PCSK2: variants seen among roughly 807,000 people sequenced by gnomAD.
The protein encoded by PCSK2 is proprotein convertase subtilisin/kexin type 2, also known as neuroendocrine convertase 2.
PCSK2 carries 14 observed loss-of-function variants against 69.7 expected under a neutral mutation model. The ratio of observed to expected loss-of-function variants is 0.20; its 90% confidence interval spans 0.13 to 0.31. The LOEUF (loss-of-function observed/expected upper bound fraction) is 0.31. PCSK2 is among the 10% of genes least tolerant of loss of function. The pLI is 1.00. For synonymous variants in PCSK2, 307 were observed against 320.7 expected, an observed-to-expected ratio of 0.96 and a Z score of 0.46; for missense variants, 544 against 842.5, an observed-to-expected ratio of 0.65 and a Z score of 4.39.
At chr20:17,363,867 A>G (rs1464547517) in intron 4 of PCSK2, among the ~76,000 whole-genome samples, 1 of 152,242 alleles carries the variant, frequency 6.6e-6, no homozygotes, top group Non-Finnish European at 1.5e-5. Flanking sequence ...TCGCCATTTT[A>G]CAGATGAAGA....
At chr20:17,436,628 G>A in intron 7 of PCSK2, 80 bp from the exon 8 acceptor site, 2 of 1,258,588 alleles carry the variant, frequency 1.6e-6, no homozygotes, top group African/African-American at 3.0e-5. Context: ...AGTACCCAGG[G>A]CCCAAGCCCT....
At chr20:17,233,616 CA>C (rs1005888133) in intron 1 of PCSK2, among the ~76,000 whole-genome samples, 13 of 152,246 alleles carry the variant, frequency 8.5e-5, no homozygotes, top group Middle Eastern at 3.4e-3. Context: ...GAGGAGAATG[CA>C]GTACAGTTAC....
In PCSK2 at chr20:17,389,723, C is replaced by T. The variant is rs546091756; in HGVS notation, c.544-19540C>T. On this transcript the variant is annotated intron_variant, in intron 5 of 11. Coordinates refer to ENST00000262545, the MANE Select transcript of PCSK2 (RefSeq NM_002594.5). ...AGGGTTTACAGCTGCTGAAAGGTCC[C>T]TGTAGCATTTCCTTTATGGAAAATC... Among the ~76,000 whole-genome samples, 276 of 152,262 alleles carry T rather than the reference C, an allele frequency of 1.8e-3. 1 individual carries two copies. The highest frequency in any genetic ancestry group is 6.3e-3 in the African/African-American group (262 of 41,564).
intron 6 of PCSK2, among the ~76,000 whole-genome samples, chr20:17,416,153 A>G (rs1170637704): frequency 6.6e-6 from 1 of 152,258 alleles, no homozygotes; most frequent in East Asian, 1.9e-4. Flanking sequence ...AGCAATGGCA[A>G]CAAAAGCCAA....
intron 6 of PCSK2, among the ~76,000 whole-genome samples, chr20:17,427,651 T>C (rs1475735816): frequency 6.6e-6 from 1 of 152,196 alleles, no homozygotes; most frequent in Non-Finnish European, 1.5e-5. Flanking sequence ...CCCAAGTCTA[T>C]AGTTTGGCTG....
intron 6 of PCSK2, among the ~76,000 whole-genome samples, chr20:17,418,970 G>A (rs974954229): frequency 5.9e-5 from 9 of 152,188 alleles, no homozygotes; most frequent in South Asian, 2.1e-4. Context: ...AAAAGGCAGC[G>A]GCTGTCCAGC....
chr20:17,432,347 T>A (rs1041011843), intron 7 of PCSK2, among the ~76,000 whole-genome samples: 1 of 152,196 alleles, frequency 6.6e-6, no homozygotes, highest in South Asian at 2.1e-4. Flanking sequence ...CATTTCAAAC[T>A]CCGTGACATG....
At chr20:17,446,319 G>C (rs894922363) in intron 8 of PCSK2, among the ~76,000 whole-genome samples, 4 of 152,132 alleles carry the variant, frequency 2.6e-5, no homozygotes, top group African/African-American at 4.8e-5. Context: ...ATCATCCTTA[G>C]CTTGGCTTTT....
In PCSK2 at chr20:17,239,330, G is replaced by A. The variant is rs1986465491; in HGVS notation, c.177+11848G>A. Among the ~76,000 whole-genome samples, 2 of 152,202 alleles carry A rather than the reference G, an allele frequency of 1.3e-5. 1 individual carries two copies. Among genetic ancestry groups the A allele is most frequent in the South Asian group, 4.1e-4 (2 of 4,828 alleles). On this transcript the variant is annotated intron_variant, in intron 1 of 11. Coordinates refer to ENST00000262545, the MANE Select transcript of PCSK2 (RefSeq NM_002594.5). ...ATTCTAGTCAGTTCCAGCTGACTATGTTTCTAGGAACTGTCAGCCAAGAAT... is the reference window on the plus strand; with the variant it reads ...ATTCTAGTCAGTTCCAGCTGACTATATTTCTAGGAACTGTCAGCCAAGAAT...
chr20:17,468,958 T>C (rs560012438), intron 11 of PCSK2, among the ~76,000 whole-genome samples: 1 of 152,344 alleles, frequency 6.6e-6, no homozygotes, highest in South Asian at 2.1e-4. Context: ...AAACAGTCCA[T>C]GATTTAAGAA....
intron 2 of PCSK2, among the ~76,000 whole-genome samples, chr20:17,315,426 G>T (rs764221323): frequency 3.3e-5 from 5 of 152,228 alleles, no homozygotes; most frequent in Non-Finnish European, 7.3e-5. Context: ...GCGCTATAAG[G>T]GAACCCGTGG....
intron 5 of PCSK2, among the ~76,000 whole-genome samples, chr20:17,371,532 T>C (rs1459720497): frequency 6.6e-6 from 1 of 152,136 alleles, no homozygotes; most frequent in Non-Finnish European, 1.5e-5. Flanking sequence ...TTAAGAACAT[T>C]TTTCTGATTA....
chr20:17,464,207 G>A (rs2033060704), intron 10 of PCSK2: 1 of 152,246 alleles, frequency 6.6e-6, no homozygotes, highest in East Asian at 1.9e-4. Context: ...TGAGGCCCTA[G>A]GCATGAGATC....
chr20:17,293,849 T>C (rs1770552895), intron 2 of PCSK2, among the ~76,000 whole-genome samples: 1 of 152,182 alleles, frequency 6.6e-6, no homozygotes, highest in Admixed American at 6.5e-5. Flanking sequence ...CGTGTTTTTC[T>C]GTGCTTCTTT....
chr20:17,285,434 C>G (rs1988478731), intron 2 of PCSK2, among the ~76,000 whole-genome samples: 1 of 152,190 alleles, frequency 6.6e-6, no homozygotes, highest in African/African-American at 2.4e-5. Flanking sequence ...TCTCAGAAGG[C>G]TGGATAATGT....
intron 6 of PCSK2, among the ~76,000 whole-genome samples, chr20:17,410,912 C>T (rs1235225744): frequency 6.6e-6 from 1 of 152,178 alleles, no homozygotes; most frequent in Non-Finnish European, 1.5e-5. Flanking sequence ...GCAGTGGCAA[C>T]ATATCCACTG....
intron 6 of PCSK2, among the ~76,000 whole-genome samples, chr20:17,419,197 T>C (rs2032068665): frequency 1.3e-5 from 2 of 152,338 alleles, no homozygotes; most frequent in South Asian, 4.1e-4. Context: ...GAAAACAAAC[T>C]TCATACATAT....
chr20:17,297,955 T>C (rs911079952), intron 2 of PCSK2, among the ~76,000 whole-genome samples: 6 of 152,338 alleles, frequency 3.9e-5, no homozygotes, highest in Middle Eastern at 3.4e-3. Context: ...CTATGTATTA[T>C]CAAAACAAAT....
At chr20:17,370,020 C>G (rs1012575077) in intron 5 of PCSK2, among the ~76,000 whole-genome samples, 2 of 152,198 alleles carry the variant, frequency 1.3e-5, no homozygotes, top group Non-Finnish European at 2.9e-5. Context: ...GAACCACACA[C>G]TCTAACTTTT....
Sources: gnomAD v4.1 joint callset for allele counts (sites outside exome capture counted in the v4.1 genomes callset) on GRCh38, gnomAD v4.1.1 for gene constraint, MANE v1.5 for transcripts, NCBI Gene and HGNC (gene_info 2026-07-23, HGNC 2026-07-21) for gene names.